PTPA: variants seen among roughly 807,000 people sequenced by gnomAD.
PTPA encodes serine/threonine-protein phosphatase 2A activator.
PTPA carries 13 observed loss-of-function variants against 43.6 expected under a neutral mutation model. The ratio of observed to expected loss-of-function variants is 0.30; its 90% confidence interval spans 0.19 to 0.47. The LOEUF (loss-of-function observed/expected upper bound fraction) is 0.47, where lower values mean the gene tolerates loss of function less well. Among genes scored for constraint, PTPA ranks in the 20% least tolerant of loss-of-function variants. The pLI is 0.99. For synonymous variants in PTPA, 172 were observed against 158.2 expected (o/e 1.09, Z -0.66); for missense variants, 329 against 411.9 (o/e 0.80, Z 1.74).
intron 9 of PTPA, among the ~76,000 whole-genome samples, chr9:129,145,955 CA>C (rs1851269278): frequency 6.6e-6 from 1 of 152,126 alleles, no homozygotes; most frequent in Non-Finnish European, 1.5e-5. Flanking sequence ...TTCCTTGGCC[CA>C]GCTCCTGTGG....
intron 1 of PTPA, among the ~76,000 whole-genome samples, chr9:129,117,965 C>G (rs1001800435): frequency 6.6e-6 from 1 of 151,538 alleles, no homozygotes; most frequent in Non-Finnish European, 1.5e-5. Context: ...TCCCAAAGTT[C>G]TGGGATTACA....
chr9:129,111,639 C>A lies in PTPA; in HGVS notation c.31+8C>A. 1 of 1,180,150 alleles carries A rather than the reference C, an allele frequency of 8.5e-7. No individual in the cohort carries two copies. Among genetic ancestry groups the A allele is most frequent in the East Asian group, 4.1e-5 (1 of 24,402 alleles). 73.1% of individuals were successfully genotyped at this position (1,180,150 alleles called of 1,614,324 possible). ...AGCGGCAGCCGCCGCCAGGTAAGGC[C>A]GGCGGGGCCAGGCCGGGCCGGGGTC... is the stretch of plus-strand genomic sequence containing the variant. On this transcript the variant is annotated splice_region_variant and intron_variant, in intron 1 of 9. Coordinates refer to ENST00000393370, the MANE Select transcript of PTPA (RefSeq NM_178000.3).
intron 8 of PTPA, chr9:129,142,088 GATCTT>G (rs1850896882): frequency 4.8e-6 from 1 of 207,268 alleles, no homozygotes; most frequent in African/African-American, 2.3e-5. Flanking sequence ...CTCAGGTGGA[GATCTT>G]ATCTTCCTGA....
chr9:129,140,343 A>G (rs1850697676), intron 8 of PTPA, among the ~76,000 whole-genome samples: 1 of 152,062 alleles, frequency 6.6e-6, no homozygotes, highest in Non-Finnish European at 1.5e-5. Flanking sequence ...TGCCAGAGTT[A>G]CAGGCAAAGG....
intron 8 of PTPA, 139 bp from the exon 9 acceptor site, chr9:129,142,306 A>C (rs1173798033): frequency 6.8e-6 from 5 of 734,284 alleles, no homozygotes; most frequent in Admixed American, 3.2e-5. Flanking sequence ...TTGGTCCCCA[A>C]GTGTCTGCGC....
intron 2 of PTPA, among the ~76,000 whole-genome samples, chr9:129,121,008 T>G (rs1356223726): frequency 2.0e-5 from 3 of 152,158 alleles, no homozygotes; most frequent in African/African-American, 7.2e-5. Context: ...TCATGGAAAC[T>G]TTGGCCAGGG....
At chr9:129,113,544 G>C (rs1002630401) in intron 1 of PTPA, among the ~76,000 whole-genome samples, 1 of 151,424 alleles carries the variant, frequency 6.6e-6, no homozygotes, top group South Asian at 2.1e-4. Flanking sequence ...CGACACAGGC[G>C]GATCACTTGA....
rs567455172 is a variant in PTPA, at chr9:129,115,086, G to A, written c.31+3455G>A. Among the ~76,000 whole-genome samples, 6 of 152,204 alleles carry A rather than the reference G, an allele frequency of 3.9e-5. No homozygotes were observed. The South Asian group carries it at 1.0e-3, about 26-fold the overall frequency. The stretch of plus-strand genomic sequence containing the variant: ...ATGATCTTGGCTCAGTGCAACCTCC[G>A]AGGAGAGCTGTCCCTTTGCAGAGAA... On this transcript the variant is annotated intron_variant, in intron 1 of 9. Coordinates refer to ENST00000393370, the MANE Select transcript of PTPA (RefSeq NM_178000.3).
At position 129,132,372 on chromosome 9, in the gene PTPA, C is replaced by T. The variant is rs113128715; in HGVS notation, c.460+733C>T. ...TGAGACAGGGTCTTGCTTTGTCACC[C>T]GGGCTGCAGTGCAGTGATGTGATCT... is the stretch of plus-strand genomic sequence containing the variant. On this transcript the variant is annotated intron_variant, in intron 5 of 9. Coordinates refer to ENST00000393370, the MANE Select transcript of PTPA (RefSeq NM_178000.3). Among the ~76,000 whole-genome samples the T allele has an allele frequency of 5.3e-5, 8 of 152,094 alleles. No individual in the cohort carries two copies. In the East Asian group the frequency reaches 9.6e-4, roughly 18 times the overall value.
intron 2 of PTPA, 101 bp downstream of exon 2, chr9:129,120,711 C>G (rs1849199280): frequency 9.7e-7 from 1 of 1,026,300 alleles, no homozygotes. Flanking sequence ...CTCTTGGAGC[C>G]TGACTTTTCA....
chr9:129,127,177 A>G (rs1175355964), intron 3 of PTPA, among the ~76,000 whole-genome samples: 1 of 152,138 alleles, frequency 6.6e-6, no homozygotes, highest in Non-Finnish European at 1.5e-5. Context: ...CTTACAGGCT[A>G]CTTTTTCTGT....
At chr9:129,124,692 C>T (rs1204836255) in intron 3 of PTPA, among the ~76,000 whole-genome samples, 1 of 152,206 alleles carries the variant, frequency 6.6e-6, no homozygotes, top group African/African-American at 2.4e-5. Context: ...CCAGGAGCCT[C>T]TTGGGTTCAT....
intron 9 of PTPA, among the ~76,000 whole-genome samples, chr9:129,145,846 A>G (rs1025214466): frequency 1.3e-5 from 2 of 152,214 alleles, no homozygotes; most frequent in East Asian, 1.9e-4. Flanking sequence ...CTGGAAGGTC[A>G]GGGGGCAGTC....
chr9:129,138,065 T>C (rs1413790699), intron 8 of PTPA: 3 of 316,442 alleles, frequency 9.5e-6, no homozygotes, highest in African/African-American at 6.4e-5. Context: ...TGTAGAACCA[T>C]GTGCTGTGGA....
intron 3 of PTPA, among the ~76,000 whole-genome samples, chr9:129,124,908 T>A (rs1450954648): frequency 2.0e-5 from 3 of 152,242 alleles, no homozygotes; most frequent in Non-Finnish European, 4.4e-5. Context: ...TTGCTGGGCC[T>A]GTCTGGCTAT....
chr9:129,147,255 G>A, intron 9 of PTPA, 132 bp from the exon 10 acceptor site: 1 of 783,858 alleles, frequency 1.3e-6, no homozygotes, highest in Non-Finnish European at 2.1e-6. Context: ...GGGGAGGAAG[G>A]CCTGGGGGAT....
At chr9:129,136,160 G>A (rs17508867) in intron 6 of PTPA, among the ~76,000 whole-genome samples, 15,486 of 151,938 alleles carry the variant, frequency 0.1, 2,580 homozygotes, top group African/African-American at 0.35. Flanking sequence ...GTAGAGACGG[G>A]GTTTCACCGT....
chr9:129,134,267 T>A (rs1340912598), intron 5 of PTPA, among the ~76,000 whole-genome samples: 2 of 151,484 alleles, frequency 1.3e-5, no homozygotes, highest in Non-Finnish European at 2.9e-5. Flanking sequence ...CCCGGGTCTT[T>A]TACGAGTGGA....
Position 129,136,549 on chromosome 9 carries a change from T to C in PTPA, c.639T>C (p.Asp213=), listed in dbSNP as rs773852913. 1.9e-6 allele frequency: 3 copies of C among 1,613,742 alleles called. No individual in the cohort carries two copies. The African/African-American group carries it at 4.0e-5, about 22-fold the overall frequency. The change falls in exon 7 of 10, where the codon GAT becomes GAC. Residue 213 remains aspartate (D), a synonymous_variant. Transcript: ENST00000393370. The part of the protein sequence containing the change: ...PAGSQGVWGL[D]DFQFLPFIWG... ...GCAGCCAGGGAGTGTGGGGTCTGGATGACTTCCAGTTTCTGCCCTTCATCT... is the reference window on the plus strand; with the variant it reads ...GCAGCCAGGGAGTGTGGGGTCTGGACGACTTCCAGTTTCTGCCCTTCATCT...
Sources: allele counts gnomAD v4.1 joint callset (sites outside exome capture counted in the v4.1 genomes callset), GRCh38; gene constraint gnomAD v4.1.1; transcripts MANE v1.5; gene names NCBI Gene and HGNC (gene_info 2026-07-23, HGNC 2026-07-21).